Variants in TBC1D5 observed in about 807,000 individuals in gnomAD.
TBC1D5 encodes TBC1 domain family member 5.
Under a neutral mutation model 100.3 loss-of-function variants are expected in TBC1D5, and 75 were observed. That is an observed-to-expected ratio of 0.75 (90% CI 0.62 to 0.91). The LOEUF (loss-of-function observed/expected upper bound fraction) is 0.91, where lower values mean the gene tolerates loss of function less well. Ranked by LOEUF, TBC1D5 falls within the 40% of genes least tolerant of loss-of-function variation. The pLI is 0.00. For synonymous variants in TBC1D5, 323 were observed against 325.6 expected, an observed-to-expected ratio of 0.99 and a Z score of 0.09; for missense variants, 910 against 942.4, an observed-to-expected ratio of 0.97 and a Z score of 0.45.
intron 2 of TBC1D5, among the ~76,000 whole-genome samples, chr3:17,513,794 G>A (rs1014065715): frequency 6.6e-5 from 10 of 151,982 alleles, no homozygotes; most frequent in Admixed American, 3.3e-4. Context: ...GAATAAGTAT[G>A]TGTTCTAGGT....
chr3:17,473,795 C>T (rs2095408112), intron 3 of TBC1D5, among the ~76,000 whole-genome samples: 1 of 151,954 alleles, frequency 6.6e-6, no homozygotes. Context: ...TTAGTAATAA[C>T]ATGAAATGAA....
chr3:17,689,369 C>A (rs1015646664), intron 1 of TBC1D5, among the ~76,000 whole-genome samples: 1 of 151,918 alleles, frequency 6.6e-6, no homozygotes, highest in Non-Finnish European at 1.5e-5. Flanking sequence ...GAAACCCCGT[C>A]TATTCTAAAA....
At chr3:17,434,940 C>T (rs1323756976) in intron 3 of TBC1D5, among the ~76,000 whole-genome samples, 1 of 152,226 alleles carries the variant, frequency 6.6e-6, no homozygotes, top group Non-Finnish European at 1.5e-5. Context: ...CTCTCAAGTG[C>T]AAAGTTTCAC....
At chr3:17,673,237 T>A (rs1237834154) in intron 1 of TBC1D5, among the ~76,000 whole-genome samples, 3 of 151,832 alleles carry the variant, frequency 2.0e-5, no homozygotes, top group South Asian at 4.2e-4. Context: ...AAAATACATG[T>A]GGTGGCATAC....
At chr3:17,456,567 A>G (rs2149824032) in intron 3 of TBC1D5, among the ~76,000 whole-genome samples, 2 of 152,358 alleles carry the variant, frequency 1.3e-5, no homozygotes, top group Middle Eastern at 3.4e-3. Flanking sequence ...CATACCGATC[A>G]TCAGAGAAAT....
chr3:17,314,986 G>C (rs1426537267), intron 13 of TBC1D5, among the ~76,000 whole-genome samples: 1 of 152,156 alleles, frequency 6.6e-6, no homozygotes, highest in Non-Finnish European at 1.5e-5. Context: ...TTTTAAGGTG[G>C]GGTCAATACA....
At chr3:17,565,725 A>T (rs79094874) in intron 2 of TBC1D5, among the ~76,000 whole-genome samples, 180 of 152,246 alleles carry the variant, frequency 1.2e-3, no homozygotes, top group African/African-American at 4.2e-3. Flanking sequence ...AGAGTAATTT[A>T]CATGCTTTTA....
intron 4 of TBC1D5, among the ~76,000 whole-genome samples, chr3:17,426,505 C>T (rs2094339550): frequency 6.7e-6 from 1 of 148,932 alleles, no homozygotes; most frequent in South Asian, 2.1e-4. Context: ...ATTACTTGAG[C>T]TTTTTATCTT....
chr3:17,158,594 G>C (rs1007295144), exon 22 of TBC1D5: 2 of 152,318 alleles, frequency 1.3e-5, no homozygotes, highest in Non-Finnish European at 2.9e-5. Flanking sequence ...TCTCCTCCAA[G>C]GAGGTGGTGA....
chr3:17,549,950 A>G (rs1210082556), intron 2 of TBC1D5, among the ~76,000 whole-genome samples: 1 of 150,118 alleles, frequency 6.7e-6, no homozygotes, highest in Non-Finnish European at 1.5e-5. Context: ...AATAATAATA[A>G]TAGTAATAAT....
intron 2 of TBC1D5, among the ~76,000 whole-genome samples, chr3:17,524,055 C>A (rs183419914): frequency 6.6e-6 from 1 of 152,136 alleles, no homozygotes; most frequent in African/African-American, 2.4e-5. Context: ...AAGCAGGTAT[C>A]ATTTCCTTTT....
intron 2 of TBC1D5, among the ~76,000 whole-genome samples, chr3:17,571,560 T>C (rs991813305): frequency 6.6e-6 from 1 of 152,038 alleles, no homozygotes; most frequent in Non-Finnish European, 1.5e-5. Context: ...TCCTTTCTTA[T>C]CAATCTTAGA....
At chr3:17,673,117 T>C (rs959252813) in intron 1 of TBC1D5, among the ~76,000 whole-genome samples, 11 of 152,094 alleles carry the variant, frequency 7.2e-5, no homozygotes, top group African/African-American at 2.7e-4. Flanking sequence ...TAGGTAACCT[T>C]TAAGAACATT....
At chr3:17,353,523 A>G (rs1276134975) in intron 13 of TBC1D5, among the ~76,000 whole-genome samples, 2 of 152,098 alleles carry the variant, frequency 1.3e-5, no homozygotes, top group Admixed American at 1.3e-4. Context: ...TTATATTTCA[A>G]TGCATAACTA....
At chr3:17,667,240 T>A (rs984776723) in intron 1 of TBC1D5, among the ~76,000 whole-genome samples, 1 of 152,124 alleles carries the variant, frequency 6.6e-6, no homozygotes, top group Non-Finnish European at 1.5e-5. Flanking sequence ...AGCAAAATAC[T>A]TCGAGCAACT....
intron 2 of TBC1D5, among the ~76,000 whole-genome samples, chr3:17,576,839 C>A (rs1237750889): frequency 6.6e-6 from 1 of 151,852 alleles, no homozygotes; most frequent in Non-Finnish European, 1.5e-5. Flanking sequence ...AATATGTGTA[C>A]GTCTTCCCAA....
At chr3:17,401,354 A>G (rs997092551) in intron 8 of TBC1D5, among the ~76,000 whole-genome samples, 7 of 116,176 alleles carry the variant, frequency 6.0e-5, no homozygotes, top group Non-Finnish European at 1.7e-5. Context: ...ATATACATAT[A>G]TATGTATGTG....
intron 3 of TBC1D5, among the ~76,000 whole-genome samples, chr3:17,453,623 C>G (rs1249006494): frequency 6.6e-6 from 1 of 152,084 alleles, no homozygotes; most frequent in Non-Finnish European, 1.5e-5. Flanking sequence ...AAAACCTGAA[C>G]AGACCAATAA....
chr3:17,567,206 T>C (rs182802295), intron 2 of TBC1D5, among the ~76,000 whole-genome samples: 50 of 151,902 alleles, frequency 3.3e-4, no homozygotes, highest in African/African-American at 1.1e-3. Context: ...TCAGACTTTT[T>C]ATGCTCAATA....
Sources: allele counts gnomAD v4.1 joint callset (sites outside exome capture counted in the v4.1 genomes callset), GRCh38; gene constraint gnomAD v4.1.1; transcripts MANE v1.5; gene names NCBI Gene and HGNC (gene_info 2026-07-23, HGNC 2026-07-21).